The following CPEB1 variants were observed in gnomAD, a reference collection of about 807,000 sequenced individuals.
CPEB1 encodes cytoplasmic polyadenylation element binding protein 1, also known as cytoplasmic polyadenylation element-binding protein 1.
A neutral mutation model predicts 65.8 loss-of-function variants in CPEB1; 7 were observed. That is an observed-to-expected ratio of 0.11 (90% CI 0.06 to 0.20). The LOEUF (loss-of-function observed/expected upper bound fraction) is 0.20. Ranked by LOEUF, CPEB1 falls within the 10% of genes least tolerant of loss-of-function variation. The pLI is 1.00. For missense variants in CPEB1, 551 were observed against 712.2 expected (o/e 0.77, Z 2.58); for synonymous variants, 262 against 260.0 (o/e 1.01, Z -0.08).
At chr15:82,627,414 T>C (rs2045866041) in intron 2 of CPEB1, 47 bp from the exon 3 acceptor site, 1 of 1,435,004 alleles carries the variant, frequency 7.0e-7, no homozygotes, top group Non-Finnish European at 9.5e-7. Flanking sequence ...CACTCCTTTA[T>C]GACCCCCTTT....
intron 12 of CPEB1, 149 bp downstream of exon 12, chr15:82,546,292 T>C: frequency 1.5e-6 from 1 of 656,816 alleles, no homozygotes; most frequent in Non-Finnish European, 2.7e-6. Flanking sequence ...GTATTTTTAA[T>C]AGAGACGGGG....
chr15:82,571,228 T>A (rs2039976458), intron 4 of CPEB1, 116 bp downstream of exon 4: 1 of 1,314,332 alleles, frequency 7.6e-7, no homozygotes, highest in African/African-American at 1.5e-5. Flanking sequence ...CCATGTTGTA[T>A]GTGTGTATGG....
At chr15:82,619,127 T>C (rs181681724) in intron 3 of CPEB1, among the ~76,000 whole-genome samples, 69 of 152,134 alleles carry the variant, frequency 4.5e-4, no homozygotes, top group African/African-American at 1.6e-3. Context: ...GAGAAGAGAG[T>C]ATCCAGAAAC....
intron 2 of CPEB1, chr15:82,628,137 C>A: frequency 1.4e-6 from 1 of 693,702 alleles, no homozygotes; most frequent in South Asian, 1.5e-5. Flanking sequence ...AAGAATTACA[C>A]CAGTGACAAT....
At chr15:82,639,847 A>ACTCT (rs1358906078) in intron 1 of CPEB1, among the ~76,000 whole-genome samples, 174 of 144,976 alleles carry the variant, frequency 1.2e-3, no homozygotes, top group African/African-American at 4.6e-3. Context: ...ACACGCGCAA[A>ACTCT]CACTCTCTCT....
intron 3 of CPEB1, among the ~76,000 whole-genome samples, chr15:82,607,316 G>A (rs138858508): frequency 0.018 from 2,702 of 152,224 alleles, 30 homozygotes; most frequent in Non-Finnish European, 0.026. Context: ...GGCTGGGCAC[G>A]GTGGCTCACG....
intron 4 of CPEB1, among the ~76,000 whole-genome samples, chr15:82,565,697 G>A (rs1386062674): frequency 1.3e-5 from 2 of 152,200 alleles, no homozygotes; most frequent in African/African-American, 4.8e-5. Context: ...AGAAGTCCTA[G>A]AGTCAATCTC....
chr15:82,570,080 T>C (rs1342445398), intron 4 of CPEB1, among the ~76,000 whole-genome samples: 1 of 152,200 alleles, frequency 6.6e-6, no homozygotes, highest in East Asian at 1.9e-4. Context: ...AACCCAGAGA[T>C]AGTTACTTAA....
chr15:82,574,768 T>A (rs987772114), intron 3 of CPEB1, among the ~76,000 whole-genome samples: 1 of 136,898 alleles, frequency 7.3e-6, no homozygotes. Flanking sequence ...ACCATGTTCA[T>A]GTACTGGAAG....
chr15:82,646,422 G>A (rs954230519), intron 1 of CPEB1, among the ~76,000 whole-genome samples: 25 of 152,202 alleles, frequency 1.6e-4, no homozygotes, highest in African/African-American at 5.8e-4. Flanking sequence ...CCAGAGAAAT[G>A]CGGCGTCAGT....
chr15:82,608,277 T>C (rs946028284), intron 3 of CPEB1, among the ~76,000 whole-genome samples: 5 of 152,230 alleles, frequency 3.3e-5, no homozygotes, highest in Admixed American at 2.0e-4. Context: ...TGATTTTTTT[T>C]TTTAAACAAA....
chr15:82,589,291 A>G (rs887427686), intron 3 of CPEB1, among the ~76,000 whole-genome samples: 1 of 152,192 alleles, frequency 6.6e-6, no homozygotes, highest in Non-Finnish European at 1.5e-5. Context: ...GTTTCTCTAC[A>G]TGGCTGACTA....
intron 4 of CPEB1, among the ~76,000 whole-genome samples, chr15:82,566,544 G>C (rs1222781819): frequency 6.6e-6 from 1 of 152,120 alleles, no homozygotes; most frequent in Admixed American, 6.5e-5. Context: ...AACAGAGTGT[G>C]GACTTCCCCC....
At chr15:82,547,645 C>G (rs1055440911) in intron 10 of CPEB1, among the ~76,000 whole-genome samples, 1 of 151,642 alleles carries the variant, frequency 6.6e-6, no homozygotes, top group Non-Finnish European at 1.5e-5. Context: ...TAGTGCTGTC[C>G]GACAGAAATA....
chr15:82,624,800 G>A (rs1170848114), intron 3 of CPEB1, among the ~76,000 whole-genome samples: 2 of 151,742 alleles, frequency 1.3e-5, no homozygotes, highest in Non-Finnish European at 2.9e-5. Flanking sequence ...ACCCAGTGAG[G>A]TTTAAGTCAT....
chr15:82,582,316 C>A lies in CPEB1; in HGVS notation c.272-10784G>T, dbSNP rs2041355707. Among the ~76,000 whole-genome samples the A allele has an allele frequency of 2.6e-5, 4 of 152,152 alleles. No individual in the cohort carries two copies. The South Asian group carries it at 8.3e-4, about 31-fold the overall frequency. On this transcript the variant is annotated intron_variant, in intron 3 of 12. Coordinates refer to ENST00000684509, the MANE Select transcript of CPEB1 (RefSeq NM_001365242.1). ...ATTCAGGCCCTTTAGCAAGGATAGA[C>A]CAAACAAGTAACTACTGCATGCAGG...
At chr15:82,643,783 G>A (rs587610153) in intron 1 of CPEB1, among the ~76,000 whole-genome samples, 30 of 152,176 alleles carry the variant, frequency 2.0e-4, no homozygotes, top group Admixed American at 1.0e-3. Flanking sequence ...TTTATGCCCC[G>A]GGAGCTTATC....
intron 1 of CPEB1, among the ~76,000 whole-genome samples, chr15:82,644,621 T>G (rs1162575273): frequency 6.6e-6 from 1 of 152,156 alleles, no homozygotes; most frequent in Admixed American, 6.5e-5. Context: ...AAGTCAAAGA[T>G]CCACCGACTC....
intron 1 of CPEB1, chr15:82,637,866 T>C (rs1331226028): frequency 5.6e-6 from 2 of 359,024 alleles, no homozygotes; most frequent in African/African-American, 4.3e-5. Flanking sequence ...GCTTTTTGTG[T>C]AAGTAGGTCA....
Sources: allele counts gnomAD v4.1 joint callset (sites outside exome capture counted in the v4.1 genomes callset), GRCh38; gene constraint gnomAD v4.1.1; transcripts MANE v1.5; gene names NCBI Gene and HGNC (gene_info 2026-07-23, HGNC 2026-07-21).